Variants in PCDHA1 observed in about 807,000 individuals in gnomAD.
PCDHA1 encodes protocadherin alpha 1.
A neutral mutation model predicts 61.3 loss-of-function variants in PCDHA1; 42 were observed. That is an observed-to-expected ratio of 0.69 (90% CI 0.54 to 0.89). PCDHA1 has a LOEUF of 0.89. Among genes scored for constraint, PCDHA1 ranks in the 40% least tolerant of loss-of-function variants. The probability of loss-of-function intolerance (pLI) is 0.00; values close to 1 mark genes in which losing one functional copy is unlikely to be tolerated. For missense variants in PCDHA1, 1,256 were observed against 1,235.3 expected (o/e 1.02, Z -0.25); for synonymous variants, 610 against 553.8 (o/e 1.10, Z -1.43).
chr5:140,814,170 GT>G (rs2126652408), intron 1 of PCDHA1: 1,547 of 151,808 alleles, frequency 0.01, 13 homozygotes, highest in Admixed American at 0.013. Context: ...TATTTTACAA[GT>G]TTTTTTGACT....
intron 3 of PCDHA1, among the ~76,000 whole-genome samples, chr5:140,990,586 A>G (rs544396898): frequency 7.2e-5 from 11 of 152,284 alleles, no homozygotes; most frequent in African/African-American, 2.6e-4. Flanking sequence ...CTTTTCCTAT[A>G]ATCACCTGGA....
At chr5:141,000,223 G>A (rs1190945878) in intron 3 of PCDHA1, among the ~76,000 whole-genome samples, 2 of 151,642 alleles carry the variant, frequency 1.3e-5, no homozygotes, top group African/African-American at 4.8e-5. Flanking sequence ...AAATGCCTGT[G>A]TGGAGCTGAA....
rs554030052 is a variant in PCDHA1 at position 140,856,707 on chromosome 5, A to C, written c.2394+68023A>C. The C allele has an allele frequency of 4.6e-4, 729 of 1,596,628 alleles. 58 individuals carry two copies. The South Asian group carries it at 7.4e-3, about 16-fold the overall frequency. ...ACAGCAACTGATGGAGGCAAACCTGAATTTACCGGATCTGTTTCTCTGCTG... is the reference window on the plus strand; with the variant it reads ...ACAGCAACTGATGGAGGCAAACCTGCATTTACCGGATCTGTTTCTCTGCTG... On this transcript the variant is annotated intron_variant, in intron 1 of 3. Coordinates refer to ENST00000504120, the MANE Select transcript of PCDHA1 (RefSeq NM_018900.4).
Position 140,796,050 on chromosome 5 carries a change from C to G in PCDHA1, c.2394+7366C>G, listed in dbSNP as rs139541416. On this transcript the variant is annotated intron_variant, in intron 1 of 3. Coordinates refer to ENST00000504120, the MANE Select transcript of PCDHA1 (RefSeq NM_018900.4). ...CTCTCTCACTTCCCATCTCAGAGAA[C>G]GCTTCCCTGGGCACTGTCATTGCTC... 1.5e-5 allele frequency: 24 copies of G among 1,614,232 alleles called. No homozygotes were observed. The East Asian group carries it at 5.3e-4, about 36-fold the overall frequency.
At chr5:140,984,859 A>G (rs1368341114) in intron 3 of PCDHA1, among the ~76,000 whole-genome samples, 1 of 152,046 alleles carries the variant, frequency 6.6e-6, no homozygotes, top group Non-Finnish European at 1.5e-5. Flanking sequence ...TAATAATAAC[A>G]CCTATTTTAT....
At chr5:140,960,079 A>G (rs1006555188) in intron 1 of PCDHA1, among the ~76,000 whole-genome samples, 1 of 152,228 alleles carries the variant, frequency 6.6e-6, no homozygotes, top group African/African-American at 2.4e-5. Flanking sequence ...TGAAGTTTCT[A>G]AAAGAGAAAG....
chr5:140,848,969 C>G (rs2150427245), intron 1 of PCDHA1: 31 of 1,604,278 alleles, frequency 1.9e-5, no homozygotes, highest in Non-Finnish European at 2.6e-5. Context: ...AGGGCGCGTC[C>G]GATGCAGATA....
chr5:140,885,385 T>C (rs2060578484), intron 1 of PCDHA1, among the ~76,000 whole-genome samples: 1 of 152,194 alleles, frequency 6.6e-6, no homozygotes, highest in South Asian at 2.1e-4. Flanking sequence ...TGGCAGTCCC[T>C]GCAAATCTAA....
chr5:140,823,892 T>C, intron 1 of PCDHA1: 1 of 1,613,932 alleles, frequency 6.2e-7, no homozygotes, highest in Non-Finnish European at 8.5e-7. Context: ...ATCTGTGCGG[T>C]GTCCAGCCTG....
At chr5:140,928,928 C>T in intron 1 of PCDHA1, 3 of 1,614,130 alleles carry the variant, frequency 1.9e-6, no homozygotes, top group Non-Finnish European at 2.5e-6. Context: ...CAGCTTTCTG[C>T]CCAGAACTTG....
rs1337120304 is a variant in PCDHA1, at chr5:140,839,855, G to A, written c.2394+51171G>A. The stretch of plus-strand genomic sequence containing the variant: ...ATGAATCCATGGAGAATTTACTTTT[G>A]AGGTGGACTTTGAAAGATGAATAGA... On this transcript the variant is annotated intron_variant, in intron 1 of 3. Coordinates refer to ENST00000504120, the MANE Select transcript of PCDHA1 (RefSeq NM_018900.4). Among the ~76,000 whole-genome samples, 4 of 151,970 alleles carry A rather than the reference G, an allele frequency of 2.6e-5. 1 individual carries two copies. The highest frequency in any genetic ancestry group is 9.7e-5 in the African/African-American group (4 of 41,328).
rs373655143 is a variant in PCDHA1, at chr5:140,792,413, C to T, written c.2394+3729C>T. On this transcript the variant is annotated intron_variant, in intron 1 of 3. Coordinates refer to ENST00000504120, the MANE Select transcript of PCDHA1 (RefSeq NM_018900.4). Reference sequence around the variant, plus strand: ...TATTTAAACCTCAGAAAAGTGATGTCTTTTGGGGTATCTTTGACCCAAAAC... The same window carrying T: ...TATTTAAACCTCAGAAAAGTGATGTTTTTTGGGGTATCTTTGACCCAAAAC... Among the ~76,000 whole-genome samples the T allele has an allele frequency of 1.4e-4, 22 of 152,236 alleles. No individual in the cohort carries two copies. In the East Asian group the frequency reaches 2.7e-3, roughly 19 times the overall value.
At chr5:140,883,106 T>C (rs782515785) in intron 1 of PCDHA1, 3 of 1,614,124 alleles carry the variant, frequency 1.9e-6, no homozygotes, top group Non-Finnish European at 2.5e-6. Context: ...TATAGTTTAC[T>C]CATTTAGAAG....
rs1387090858 is a variant in PCDHA1, at chr5:140,923,184, T to C, written c.2395-55765T>C. Reference sequence around the variant, plus strand: ...AGATAAATTTTTGTTCAGATGCATCTACTGCAGCAATTTGGGAGGCTAAGG... The same window carrying C: ...AGATAAATTTTTGTTCAGATGCATCCACTGCAGCAATTTGGGAGGCTAAGG... On this transcript the variant is annotated intron_variant, in intron 1 of 3. Transcript: ENST00000504120. Among the ~76,000 whole-genome samples the C allele has an allele frequency of 3.9e-5, 6 of 152,146 alleles. No homozygotes were observed. In the East Asian group the frequency reaches 1.2e-3, roughly 29 times the overall value.
At chr5:140,877,995 T>A in intron 1 of PCDHA1, 1 of 1,054,404 alleles carries the variant, frequency 9.5e-7, no homozygotes. Context: ...AACTTTTATG[T>A]ATTTGTCTAA....
chr5:141,012,183 A>G lies in PCDHA1; in HGVS notation c.*2246A>G, dbSNP rs1554263839. The stretch of plus-strand genomic sequence containing the variant: ...TAATTTATTAATGATGATAATTATA[A>G]TGTATCTGTACAGCACTTTTTACAT... On this transcript the variant is annotated 3_prime_UTR_variant, in exon 4 of 4. Coordinates refer to ENST00000504120, the MANE Select transcript of PCDHA1 (RefSeq NM_018900.4). The G allele has an allele frequency of 6.5e-6, 1 of 153,782 alleles. No homozygotes were observed. Among genetic ancestry groups the G allele is most frequent in the Admixed American group, 6.5e-5 (1 of 15,280 alleles). 9.5% of individuals were successfully genotyped at this position (153,782 alleles called of 1,614,324 possible). A position where few individuals can be genotyped will look rare whatever the true frequency, so the allele number is the denominator to read the frequency against.
intron 1 of PCDHA1, chr5:140,929,155 C>G: frequency 6.2e-7 from 1 of 1,614,156 alleles, no homozygotes; most frequent in Non-Finnish European, 8.5e-7. Flanking sequence ...TCAGACTTAT[C>G]TCTATCGGGC....
At chr5:140,844,630 A>G (rs1413264229) in intron 1 of PCDHA1, among the ~76,000 whole-genome samples, 2 of 149,590 alleles carry the variant, frequency 1.3e-5, no homozygotes, top group Non-Finnish European at 3.0e-5. Flanking sequence ...CAGAAAAACT[A>G]TACATGATAA....
At chr5:140,862,719 C>A (rs2047508176) in intron 1 of PCDHA1, 3 of 565,388 alleles carry the variant, frequency 5.3e-6, no homozygotes, top group Admixed American at 1.9e-5. Context: ...TGGGCGAGTG[C>A]GCGCTGTCTA....
Sources: gnomAD v4.1 joint callset for allele counts (sites outside exome capture counted in the v4.1 genomes callset) on GRCh38, gnomAD v4.1.1 for gene constraint, MANE v1.5 for transcripts, NCBI Gene and HGNC (gene_info 2026-07-23, HGNC 2026-07-21) for gene names.